TBC1D2: variants seen among roughly 807,000 people sequenced by gnomAD.
TBC1D2 encodes the protein TBC1 domain family member 2A.
Under a neutral mutation model 91.1 loss-of-function variants are expected in TBC1D2, and 58 were observed. That is an observed-to-expected ratio of 0.64 (90% CI 0.52 to 0.79). The LOEUF is 0.79. Among genes scored for constraint, TBC1D2 ranks in the 30% least tolerant of loss-of-function variants. TBC1D2 has a pLI of 0.00. For synonymous variants in TBC1D2, 482 were observed against 511.5 expected, an observed-to-expected ratio of 0.94 and a Z score of 0.78; for missense variants, 1,080 against 1,208.3, an observed-to-expected ratio of 0.89 and a Z score of 1.57.
chr9:98,227,575 G>A (rs1237535553), intron 5 of TBC1D2, among the ~76,000 whole-genome samples: 1 of 151,538 alleles, frequency 6.6e-6, no homozygotes, highest in African/African-American at 2.4e-5. Flanking sequence ...TTGCCAACAT[G>A]GTGAAACCTA....
chr9:98,237,915 T>A (rs1417993982), intron 3 of TBC1D2, among the ~76,000 whole-genome samples: 1 of 150,476 alleles, frequency 6.6e-6, no homozygotes, highest in African/African-American at 2.4e-5. Flanking sequence ...TTTTCTTTTT[T>A]TTTTTTGAGA....
At chr9:98,243,210 G>C (rs73488748) in intron 3 of TBC1D2, among the ~76,000 whole-genome samples, 6,842 of 152,096 alleles carry the variant, frequency 0.045, 302 homozygotes, top group African/African-American at 0.11. Flanking sequence ...AGTTAAAAAT[G>C]AGTAATTTGA....
intron 7 of TBC1D2, among the ~76,000 whole-genome samples, chr9:98,211,470 G>A (rs1588036098): frequency 6.6e-6 from 1 of 152,208 alleles, no homozygotes; most frequent in Non-Finnish European, 1.5e-5. Flanking sequence ...ACCTCACCTT[G>A]AACTTTTGTG....
At chr9:98,202,563 C>A (rs1828536043) in intron 10 of TBC1D2, among the ~76,000 whole-genome samples, 1 of 152,170 alleles carries the variant, frequency 6.6e-6, no homozygotes, top group South Asian at 2.1e-4. Flanking sequence ...TGCCATTGAC[C>A]TACTGAAGGA....
rs192914547 is a variant in TBC1D2, at chr9:98,205,669, C to G, written c.2151-2261G>C. On this transcript the variant is annotated intron_variant, in intron 9 of 12. Coordinates refer to ENST00000465784, the MANE Select transcript of TBC1D2 (RefSeq NM_001267571.2). ...ACCTCAGCCTCCCGAGTAGCTAGAA[C>G]TACAGGCATGTGCCACCACACTTGG... Among the ~76,000 whole-genome samples, 957 of 152,176 alleles carry G rather than the reference C, an allele frequency of 6.3e-3. 14 individuals carry two copies. The highest frequency in any genetic ancestry group is 0.022 in the African/African-American group (901 of 41,494).
chr9:98,212,750 C>T (rs929971211), intron 7 of TBC1D2, among the ~76,000 whole-genome samples: 4 of 151,910 alleles, frequency 2.6e-5, no homozygotes, highest in South Asian at 2.1e-4. Context: ...GTGATCCACC[C>T]GCCTCGGCCT....
Position 98,200,284 on chromosome 9 carries a change from G to T in TBC1D2, c.2548C>A (p.Arg850Ser), listed in dbSNP as rs137868712. ...TTGGAGATGGTCTTGGTGAAGAAGCGCAGGTACTGGTAGATTTCCAGGCCA... is the reference window on the plus strand; with the variant it reads ...TTGGAGATGGTCTTGGTGAAGAAGCTCAGGTACTGGTAGATTTCCAGGCCA... ...QNGLEIYQYL[R>S]FFTKTISNSR... The change falls in exon 12 of 13, where the codon CGC becomes AGC. Residue 850 changes from arginine (R) to serine (S), a missense_variant. Coordinates refer to ENST00000465784, the MANE Select transcript of TBC1D2 (RefSeq NM_001267571.2). 1 of 1,613,766 alleles carries T rather than the reference G, an allele frequency of 6.2e-7. No individual in the cohort carries two copies. Among genetic ancestry groups the T allele is most frequent in the African/African-American group, 1.3e-5 (1 of 74,844 alleles).
chr9:98,244,273 T>A, intron 2 of TBC1D2, 144 bp from the exon 3 acceptor site: 1 of 1,055,832 alleles, frequency 9.5e-7, no homozygotes, highest in Non-Finnish European at 1.4e-6. Context: ...CCCTGTAGGT[T>A]AACAGCAGCA....
intron 3 of TBC1D2, chr9:98,235,283 G>C: frequency 5.4e-6 from 2 of 372,720 alleles, no homozygotes; most frequent in South Asian, 5.0e-5. Context: ...AGGAGTCAAC[G>C]CTATTGTTTA....
chr9:98,252,738 AAAG>A (rs1373771717), intron 1 of TBC1D2, among the ~76,000 whole-genome samples: 1 of 152,150 alleles, frequency 6.6e-6, no homozygotes, highest in Non-Finnish European at 1.5e-5. Flanking sequence ...GTGGCTTCAT[AAAG>A]AAGGCCTGAG....
intron 3 of TBC1D2, among the ~76,000 whole-genome samples, chr9:98,240,166 G>GGTGTGTGTGTGTGTGTGT (rs60630078): frequency 9.4e-5 from 13 of 137,972 alleles, no homozygotes; most frequent in African/African-American, 3.0e-4. Flanking sequence ...GTGTTTGTGT[G>GGTGTGTGTGTGTGTGTGT]GTGTGTGTGT....
chr9:98,223,544 T>G (rs12352986), intron 5 of TBC1D2, among the ~76,000 whole-genome samples: 12,759 of 152,312 alleles, frequency 0.084, 740 homozygotes, highest in Non-Finnish European at 0.12. Flanking sequence ...ATTTGGAGGT[T>G]ACCTTGGATG....
intron 11 of TBC1D2, among the ~76,000 whole-genome samples, chr9:98,200,601 G>A (rs1828469910): frequency 6.6e-6 from 1 of 152,212 alleles, no homozygotes; most frequent in South Asian, 2.1e-4. Flanking sequence ...CTTGAAATCT[G>A]GGGATTTGGA....
At chr9:98,246,514 G>A (rs1829767382) in intron 2 of TBC1D2, among the ~76,000 whole-genome samples, 1 of 152,118 alleles carries the variant, frequency 6.6e-6, no homozygotes, top group Admixed American at 6.5e-5. Context: ...ACACAGACTG[G>A]GTGTTTACCC....
At chr9:98,220,132 G>A (rs994067406) in intron 6 of TBC1D2, among the ~76,000 whole-genome samples, 9 of 152,192 alleles carry the variant, frequency 5.9e-5, no homozygotes, top group South Asian at 2.1e-4. Flanking sequence ...AGCTAGAAGC[G>A]GCAGCTGAGC....
At chr9:98,230,740 C>CT (rs5899337) in intron 4 of TBC1D2, among the ~76,000 whole-genome samples, 92,135 of 151,904 alleles carry the variant, frequency 0.61, 29,591 homozygotes, top group African/African-American at 0.84. Context: ...CGAGACCACC[C>CT]GGCCAACATG....
At chr9:98,251,707 G>A (rs369721142) in intron 2 of TBC1D2, 78 bp downstream of exon 2, 16 of 1,465,266 alleles carry the variant, frequency 1.1e-5, no homozygotes, top group African/African-American at 8.8e-5. Flanking sequence ...GGCTCCTCCC[G>A]CTCATTCCCA....
In TBC1D2 at chr9:98,220,979, T is replaced by C. The variant is rs145738541; in HGVS notation, c.1228A>G (p.Lys410Glu). The C allele has an allele frequency of 8.1e-5, 130 of 1,614,068 alleles. No homozygotes were observed. The highest frequency in any genetic ancestry group is 1.0e-4 in the Non-Finnish European group (121 of 1,180,024). Residue 410 changes from lysine (K) to glutamate (E), a missense_variant, in exon 6 of 13, where the codon AAG becomes GAG. Physicochemically the swap from Lys to Glu is moderately conservative, Grantham distance 56. Coordinates refer to ENST00000465784, the MANE Select transcript of TBC1D2 (RefSeq NM_001267571.2). ...ATGACCTGCTGCTTGGCGTGGTTCT[T>C]GTCCATAAGCAGCTGCACGTGCTGC... ...LQQHVQLLMD[K>E]NHAKQQVICK...
intron 5 of TBC1D2, among the ~76,000 whole-genome samples, chr9:98,225,749 C>T (rs1829217593): frequency 6.6e-6 from 1 of 152,228 alleles, no homozygotes; most frequent in Admixed American, 6.5e-5. Context: ...TTCATACCAG[C>T]AGTTCCCATG....
Sources: allele counts gnomAD v4.1 joint callset (sites outside exome capture counted in the v4.1 genomes callset), GRCh38; gene constraint gnomAD v4.1.1; transcripts MANE v1.5; gene names NCBI Gene and HGNC (gene_info 2026-07-23, HGNC 2026-07-21).